STARD3: variants seen among roughly 807,000 people sequenced by gnomAD.
STARD3 encodes the protein StAR related lipid transfer domain containing 3, also known as stAR-related lipid transfer protein 3.
Under a neutral mutation model 62.0 loss-of-function variants are expected in STARD3, and 39 were observed. The observed-to-expected ratio is 0.63, with a 90% CI of 0.49 to 0.82. The LOEUF (loss-of-function observed/expected upper bound fraction) is 0.82. STARD3 is among the 40% of genes least tolerant of loss of function. STARD3 has a pLI of 0.00. For synonymous variants in STARD3, 229 were observed against 242.4 expected, an observed-to-expected ratio of 0.94 and a Z score of 0.51; for missense variants, 543 against 584.5, an observed-to-expected ratio of 0.93 and a Z score of 0.73.
At chr17:39,650,132 G>T (rs990110695) in intron 1 of STARD3, among the ~76,000 whole-genome samples, 4 of 152,178 alleles carry the variant, frequency 2.6e-5, no homozygotes, top group African/African-American at 9.7e-5. Context: ...CTTTACCTCA[G>T]AATGTGATCT....
At chr17:39,639,398 AT>A in intron 1 of STARD3, among the ~76,000 whole-genome samples, 1 of 152,314 alleles carries the variant, frequency 6.6e-6, no homozygotes, top group South Asian at 2.1e-4. Flanking sequence ...ATCTAGAGAA[AT>A]GTATAGATCT....
In STARD3 at chr17:39,662,842, G is replaced by A. The variant is rs779343975; in HGVS notation, c.1272G>A (p.Ala424=). The change falls in exon 15 of 15, where the codon GCG becomes GCA. Residue 424 remains alanine, a synonymous_variant. Transcript: ENST00000336308. ...GGTACCTCATCCACCAGAGCCTCGC[G>A]GCCACCATGTTTGAATTTGCCTTTC... is the stretch of plus-strand genomic sequence containing the variant. ...LPRYLIHQSL[A]ATMFEFAFHL... The A allele has an allele frequency of 1.9e-5, 31 of 1,612,060 alleles. No homozygotes were observed. Among genetic ancestry groups the A allele is most frequent in the African/African-American group, 4.0e-5 (3 of 74,804 alleles).
At position 39,660,378 on chromosome 17, in the gene STARD3, T is replaced by C. The variant is rs2057182716; in HGVS notation, c.859-53T>C. On this transcript the variant is annotated intron_variant, in intron 10 of 14. Transcript: ENST00000336308. The surrounding 1 kb of genome is among the most constrained non-coding windows in gnomAD (Gnocchi z 4.8). ...GTGCCCCCCACCAAGAGGGAAGGGT[T>C]GGTCTGCCCGAGCCCATCTGGCACC... 6.2e-7 allele frequency: 1 copy of C among 1,611,410 alleles called. No individual in the cohort carries two copies. The highest frequency in any genetic ancestry group is 1.3e-5 in the African/African-American group (1 of 74,938).
rs1281577341 is a variant in STARD3 at position 39,640,172 on chromosome 17, G to A, written c.-52+2941G>A. Reference sequence around the variant, plus strand: ...TAGACTTGTTAAGGGAGAGCGGTGCGGGGGAGATAAAAAATCCGGCACATC... The same window carrying A: ...TAGACTTGTTAAGGGAGAGCGGTGCAGGGGAGATAAAAAATCCGGCACATC... On this transcript the variant is annotated intron_variant, in intron 1 of 14. Coordinates refer to ENST00000336308, the MANE Select transcript of STARD3 (RefSeq NM_006804.4). Among the ~76,000 whole-genome samples, 7 of 152,192 alleles carry A rather than the reference G, an allele frequency of 4.6e-5. No homozygotes were observed. In the South Asian group the frequency reaches 6.2e-4, roughly 14 times the overall value.
At chr17:39,644,890 G>A (rs1315708838) in intron 1 of STARD3, among the ~76,000 whole-genome samples, 1 of 151,922 alleles carries the variant, frequency 6.6e-6, no homozygotes, top group Admixed American at 6.6e-5. Context: ...CCTTGGCTAG[G>A]AAACGCCTAC....
chr17:39,660,929 C>G lies in STARD3; in HGVS notation c.1034+40C>G. ...GGCCCCCTCCTTTCAGCCAGGTCTT[C>G]TGCACTTTGGCCTTGGGTCATTGTC... On this transcript the variant is annotated intron_variant, in intron 12 of 14. Coordinates refer to ENST00000336308, the MANE Select transcript of STARD3 (RefSeq NM_006804.4). The surrounding 1 kb of genome is among the most constrained non-coding windows in gnomAD (Gnocchi z 4.8). The G allele has an allele frequency of 6.2e-7, 1 of 1,610,126 alleles. No homozygotes were observed. Among genetic ancestry groups the G allele is most frequent in the South Asian group, 1.1e-5 (1 of 90,926 alleles).
At position 39,663,170 on chromosome 17, in the gene STARD3, C is replaced by G. The variant is rs139905785; in HGVS notation, c.*262C>G. 2.2e-6 allele frequency: 1 copy of G among 449,666 alleles called. No homozygotes were observed. Among genetic ancestry groups the G allele is most frequent in the Non-Finnish European group, 3.9e-6 (1 of 256,238 alleles). The allele number at this position is 449,666 out of a possible 1,614,324, so 27.9% of individuals were successfully genotyped here. A position where few individuals can be genotyped will look rare whatever the true frequency, so the allele number is the denominator to read the frequency against. On this transcript the variant is annotated 3_prime_UTR_variant, in exon 15 of 15. Coordinates refer to ENST00000336308, the MANE Select transcript of STARD3 (RefSeq NM_006804.4). ...CCCTGCCTCCTGGAGGACCAGATTG[C>G]TCTGCCCCACCTTGCCAGGGCAGGG...
At position 39,663,071 on chromosome 17, in the gene STARD3, G is replaced by GGGGTGGAGCACTGGACTCCGGGGCCC. The variant is rs753799258; in HGVS notation, c.*164_*189dup. The GGGGTGGAGCACTGGACTCCGGGGCCC allele has an allele frequency of 3.9e-5, 27 of 693,164 alleles. No homozygotes were observed. The African/African-American group carries it at 4.1e-4, about 11-fold the overall frequency. The allele number at this position is 693,164 out of a possible 1,614,324, so 42.9% of individuals were successfully genotyped here. A position where few individuals can be genotyped will look rare whatever the true frequency, so the allele number is the denominator to read the frequency against. On this transcript the variant is annotated 3_prime_UTR_variant, in exon 15 of 15. Transcript: ENST00000336308. The stretch of plus-strand genomic sequence containing the variant: ...GGAGTTGACTGACTGAGCAGGCTGT[G>GGGGTGGAGCACTGGACTCCGGGGCCC]GGGTGGAGCACTGGACTCCGGGGCC...
rs1186609592 is a variant in STARD3 at position 39,660,150 on chromosome 17, G to A, written c.796-61G>A. 6.3e-7 allele frequency: 1 copy of A among 1,582,532 alleles called. No individual in the cohort carries two copies. Among genetic ancestry groups the A allele is most frequent in the African/African-American group, 1.3e-5 (1 of 74,124 alleles). ...CCTGCCCTGCCTGTCACCCATTTCTGTGCCACCAGCCCACCCCCTGCCTCC... is the reference window on the plus strand; with the variant it reads ...CCTGCCCTGCCTGTCACCCATTTCTATGCCACCAGCCCACCCCCTGCCTCC... On this transcript the variant is annotated intron_variant, in intron 9 of 14. Coordinates refer to ENST00000336308, the MANE Select transcript of STARD3 (RefSeq NM_006804.4). The surrounding 1 kb of genome is among the most constrained non-coding windows in gnomAD (Gnocchi z 4.8).
At chr17:39,650,923 C>A (rs893860566) in intron 1 of STARD3, among the ~76,000 whole-genome samples, 35 of 152,230 alleles carry the variant, frequency 2.3e-4, no homozygotes, top group African/African-American at 8.0e-4. Flanking sequence ...TGGCTGCAAA[C>A]AAAAGGGCTG....
intron 2 of STARD3, among the ~76,000 whole-genome samples, chr17:39,656,365 C>G (rs528832920): frequency 6.6e-6 from 1 of 152,148 alleles, no homozygotes; most frequent in Non-Finnish European, 1.5e-5. Context: ...GGCCTGGTGT[C>G]CATCCAGTTC....
rs754531301 is a variant in STARD3, at chr17:39,659,455, G to A, written c.703-6G>A. 3.1e-5 allele frequency: 50 copies of A among 1,613,860 alleles called. No homozygotes were observed. The highest frequency in any genetic ancestry group is 3.8e-5 in the Non-Finnish European group (45 of 1,179,946). On this transcript the variant is annotated splice_region_variant and splice_polypyrimidine_tract_variant and intron_variant, in intron 8 of 14. Coordinates refer to ENST00000336308, the MANE Select transcript of STARD3 (RefSeq NM_006804.4). ...TGACCCCTCCCTGCCTCCTGCTTCC[G>A]TCCAGGAGCGGGAGTACATCCGCCA...
intron 1 of STARD3, among the ~76,000 whole-genome samples, chr17:39,642,995 C>G (rs2056994446): frequency 6.6e-6 from 1 of 151,980 alleles, no homozygotes. Flanking sequence ...CGCCTTTATT[C>G]TGGGGAAGCC....
rs763495734 is a variant in STARD3 at position 39,657,767 on chromosome 17, C to T, written c.298-8C>T. 6 of 1,614,082 alleles carry T rather than the reference C, an allele frequency of 3.7e-6. No individual in the cohort carries two copies. The highest frequency in any genetic ancestry group is 1.1e-5 in the South Asian group (1 of 91,076). ...TCCTGTGACTGCCTTGCTCCCGTCC[C>T]CCACCAGGTCCTGGCCTTCTTCCGC... On this transcript the variant is annotated splice_region_variant and splice_polypyrimidine_tract_variant and intron_variant, in intron 3 of 14. Transcript: ENST00000336308.
rs202139515 is a variant in STARD3 at position 39,653,762 on chromosome 17, C to T, written c.219+12C>T. ...TCATCGAACTGAATGTGAGTGGGGG[C>T]GAGGTGGGGGCACAGGCCATGTTGC... On this transcript the variant is annotated intron_variant, in intron 2 of 14. Transcript: ENST00000336308. 115 of 1,613,538 alleles carry T rather than the reference C, an allele frequency of 7.1e-5. 1 individual carries two copies. In the Middle Eastern group the frequency reaches 1.3e-3, roughly 19 times the overall value.
intron 8 of STARD3, 23 bp downstream of exon 8, chr17:39,659,129 C>A: frequency 6.2e-7 from 1 of 1,614,056 alleles, no homozygotes; most frequent in South Asian, 1.1e-5. Context: ...CTACCCCTAA[C>A]CCCTGCCCTT....
rs767484518 is a variant in STARD3, at chr17:39,660,395, T to C, written c.859-36T>C. 1 of 1,612,558 alleles carries C rather than the reference T, an allele frequency of 6.2e-7. No individual in the cohort carries two copies. The highest frequency in any genetic ancestry group is 1.7e-5 in the Admixed American group (1 of 59,984). On this transcript the variant is annotated intron_variant, in intron 10 of 14. Transcript: ENST00000336308. This position sits in a 1 kb window ranked among gnomAD's most constrained non-coding sequence, Gnocchi z 4.8. ...GGAAGGGTTGGTCTGCCCGAGCCCA[T>C]CTGGCACCACCCAGCCCTCTGCCGC...
At chr17:39,643,506 C>T (rs1370676482) in intron 1 of STARD3, among the ~76,000 whole-genome samples, 1 of 152,190 alleles carries the variant, frequency 6.6e-6, no homozygotes, top group Non-Finnish European at 1.5e-5. Context: ...CCATGGCCAG[C>T]TGGATCTGTG....
At position 39,659,963 on chromosome 17, in the gene STARD3, A is replaced by G. The variant is rs779171841; in HGVS notation, c.796-248A>G. On this transcript the variant is annotated intron_variant, in intron 9 of 14. Coordinates refer to ENST00000336308, the MANE Select transcript of STARD3 (RefSeq NM_006804.4). Reference sequence around the variant, plus strand: ...GTGGCAGCCCCATTGGCCTGGAGACATGGTTTTTTGTGGTTGCAGCTGCAG... The same window carrying G: ...GTGGCAGCCCCATTGGCCTGGAGACGTGGTTTTTTGTGGTTGCAGCTGCAG... The G allele has an allele frequency of 1.4e-4, 78 of 573,956 alleles. 2 individuals carry two copies. The Middle Eastern group carries it at 2.4e-3, about 17-fold the overall frequency. 35.6% of individuals were successfully genotyped at this position (573,956 alleles called of 1,614,324 possible). A position where few individuals can be genotyped will look rare whatever the true frequency, so the allele number is the denominator to read the frequency against.
Sources: allele counts gnomAD v4.1 joint callset (sites outside exome capture counted in the v4.1 genomes callset), GRCh38; gene constraint gnomAD v4.1.1; non-coding constraint Gnocchi (gnomAD v3.1); transcripts MANE v1.5; gene names NCBI Gene and HGNC (gene_info 2026-07-23, HGNC 2026-07-21).